CCDC181: variants seen among roughly 807,000 people sequenced by gnomAD.
CCDC181 encodes the protein coiled-coil domain containing 181.
In CCDC181, 35 loss-of-function variants were observed where a neutral mutation model predicts 58.7. The observed-to-expected ratio is 0.60, with a 90% CI of 0.46 to 0.79. The LOEUF (loss-of-function observed/expected upper bound fraction) is 0.79, where lower values mean the gene tolerates loss of function less well. CCDC181 is among the 30% of genes least tolerant of loss of function. The pLI is 0.00. For synonymous variants in CCDC181, 183 were observed against 197.5 expected, an observed-to-expected ratio of 0.93 and a Z score of 0.62; for missense variants, 517 against 583.9, an observed-to-expected ratio of 0.89 and a Z score of 1.18.
At position 169,394,916 on chromosome 1, in the gene CCDC181, A is replaced by C; in HGVS notation, c.*131T>G. 4.7e-6 allele frequency: 4 copies of C among 846,726 alleles called. No homozygotes were observed. The highest frequency in any genetic ancestry group is 6.8e-6 in the Non-Finnish European group (4 of 590,642). The allele number at this position is 846,726 out of a possible 1,614,324, so 52.5% of individuals were successfully genotyped here. ...ATTTATTTTGTTCTAGTATTAAAAA[A>C]ACAAATTCACTGTCAATAAAAGATA... On this transcript the variant is annotated 3_prime_UTR_variant, in exon 6 of 6. Coordinates refer to ENST00000367806, the MANE Select transcript of CCDC181 (RefSeq NM_001300969.2).
In CCDC181 at chr1:169,422,261, G is replaced by T; in HGVS notation, c.170C>A (p.Thr57Lys). The T allele has an allele frequency of 6.2e-7, 1 of 1,600,456 alleles. No individual in the cohort carries two copies. Among genetic ancestry groups the T allele is most frequent in the South Asian group, 1.1e-5 (1 of 90,024 alleles). ...NINQDLKENE[T>K]VMEHTKRHSD... is the part of the protein sequence containing the mutation. The stretch of plus-strand genomic sequence containing the variant: ...ATGCCGTTTGGTGTGCTCCATTACT[G>T]TCTCATTCTCTTTTAAGTCTTGGTT... Residue 57 changes from threonine (T) to lysine (K), a missense_variant, in exon 3 of 6, where the codon ACA becomes AAA. By Grantham distance (78) the Thr-to-Lys change is moderately conservative. Coordinates refer to ENST00000367806, the MANE Select transcript of CCDC181 (RefSeq NM_001300969.2).
chr1:169,456,721 GC>G (rs1657684392), intron 2 of CCDC181, among the ~76,000 whole-genome samples: 1 of 152,140 alleles, frequency 6.6e-6, no homozygotes, highest in South Asian at 2.1e-4. Flanking sequence ...TGGAAAGAAG[GC>G]TTTCACCACA....
chr1:169,440,398 G>GA (rs1208363339), intron 2 of CCDC181, among the ~76,000 whole-genome samples: 1 of 152,230 alleles, frequency 6.6e-6, no homozygotes, highest in Non-Finnish European at 1.5e-5. Context: ...CAAGACAGGA[G>GA]AATTCCAATA....
chr1:169,410,030 T>C (rs1174396562), intron 4 of CCDC181, among the ~76,000 whole-genome samples: 2 of 151,988 alleles, frequency 1.3e-5, no homozygotes, highest in Non-Finnish European at 2.9e-5. Flanking sequence ...AATTCACACA[T>C]AACAATATTG....
chr1:169,421,913 T>G lies in CCDC181; in HGVS notation c.518A>C (p.Lys173Thr), dbSNP rs150449968. The G allele has an allele frequency of 3.1e-6, 5 of 1,613,706 alleles. No individual in the cohort carries two copies. The African/African-American group carries it at 6.7e-5, about 22-fold the overall frequency. Reference sequence around the variant, plus strand: ...ATTCCTTTCGTTTTCAAAATAATTTTTAAAAGTAGTAGTGTCTTCTAGTGG... The same window carrying G: ...ATTCCTTTCGTTTTCAAAATAATTTGTAAAAGTAGTAGTGTCTTCTAGTGG... ...VPPLEDTTTF[K>T]NYFENERNMF... The change falls in exon 3 of 6, where the codon AAA becomes ACA. Residue 173 changes from lysine (K) to threonine (T), a missense_variant. Transcript: ENST00000367806.
At chr1:169,436,708 T>C (rs1399210133) in intron 2 of CCDC181, among the ~76,000 whole-genome samples, 1 of 152,204 alleles carries the variant, frequency 6.6e-6, no homozygotes, top group Non-Finnish European at 1.5e-5. Context: ...CTAAAAAAGG[T>C]TGATTTCACT....
chr1:169,422,411 AT>A (rs1462582743), intron 2 of CCDC181, 98 bp from the exon 3 acceptor site: 1 of 862,486 alleles, frequency 1.2e-6, no homozygotes, highest in Non-Finnish European at 1.7e-6. Flanking sequence ...TATTTTATGA[AT>A]GGGAAAATTT....
At chr1:169,395,908 T>C (rs1435336152) in intron 5 of CCDC181, 1 of 148,454 alleles carries the variant, frequency 6.7e-6, no homozygotes, top group Non-Finnish European at 1.5e-5. Context: ...AACAACTAAA[T>C]AACTGTATTA....
chr1:169,434,927 CAGAG>C (rs1172179673), intron 2 of CCDC181, among the ~76,000 whole-genome samples: 1 of 151,980 alleles, frequency 6.6e-6, no homozygotes, highest in Non-Finnish European at 1.5e-5. Flanking sequence ...TCGTGTTTTC[CAGAG>C]CCTGTTAAGG....
chr1:169,436,741 G>A (rs1050967785), intron 2 of CCDC181, among the ~76,000 whole-genome samples: 1 of 152,168 alleles, frequency 6.6e-6, no homozygotes, highest in East Asian at 1.9e-4. Flanking sequence ...GTAAGGCAGA[G>A]CACTATTAGT....
intron 3 of CCDC181, among the ~76,000 whole-genome samples, chr1:169,419,962 G>A (rs184441304): frequency 1.7e-3 from 258 of 152,298 alleles, no homozygotes; most frequent in Admixed American, 4.1e-3. Flanking sequence ...AGTACTTGAA[G>A]ACCATGCCTT....
rs765535455 is a variant in CCDC181 at position 169,421,889 on chromosome 1, T to C, written c.542A>G (p.Asn181Ser). 6 of 1,613,854 alleles carry C rather than the reference T, an allele frequency of 3.7e-6. No homozygotes were observed. The South Asian group carries it at 5.5e-5, about 15-fold the overall frequency. The change falls in exon 3 of 6, where the codon AAT becomes AGT. Residue 181 changes from asparagine (N) to serine (S), a missense_variant. Transcript: ENST00000367806. ...TAATTGTGACAGTTTCCCAAACATA[T>C]TCCTTTCGTTTTCAAAATAATTTTT... is the stretch of plus-strand genomic sequence containing the variant. ...TFKNYFENER[N>S]MFGKLSQLCI...
chr1:169,446,545 G>A (rs1657382873), intron 2 of CCDC181, among the ~76,000 whole-genome samples: 2 of 152,124 alleles, frequency 1.3e-5, no homozygotes, highest in Admixed American at 1.3e-4. Context: ...CTAATAAACA[G>A]TCATCCCTCC....
chr1:169,397,917 T>C (rs1655136455), intron 4 of CCDC181, among the ~76,000 whole-genome samples: 1 of 152,216 alleles, frequency 6.6e-6, no homozygotes, highest in Admixed American at 6.5e-5. Flanking sequence ...CATTTAATAC[T>C]TCCCCCAAAT....
intron 4 of CCDC181, among the ~76,000 whole-genome samples, chr1:169,410,080 C>G (rs1655879494): frequency 2.0e-5 from 3 of 151,946 alleles, no homozygotes; most frequent in South Asian, 4.1e-4. Flanking sequence ...AATTAAGAGA[C>G]ACAGACTGGC....
intron 2 of CCDC181, among the ~76,000 whole-genome samples, chr1:169,441,799 A>C (rs747680901): frequency 9.9e-5 from 15 of 151,966 alleles, no homozygotes; most frequent in South Asian, 2.1e-4. Flanking sequence ...TTTATGACTC[A>C]TCAAGGACTA....
chr1:169,421,996 A>G lies in CCDC181; in HGVS notation c.435T>C (p.Asn145=), dbSNP rs1656492838. ...NKLLQNQEPV[N]DKRERKLKFK... is the part of the protein sequence containing the mutation. ...ACTTAAGTTTTCGCTCCCTTTTATC[A>G]TTCACCGGTTCTTGATTCTGTAGAA... Residue 145 remains asparagine (N), a synonymous_variant, in exon 3 of 6, where the codon AAT becomes AAC. Transcript: ENST00000367806. The G allele has an allele frequency of 2.5e-6, 4 of 1,614,050 alleles. No individual in the cohort carries two copies.
intron 4 of CCDC181, among the ~76,000 whole-genome samples, chr1:169,407,432 A>G (rs904483849): frequency 6.6e-6 from 1 of 152,190 alleles, no homozygotes; most frequent in South Asian, 2.1e-4. Context: ...CATTCAGTAT[A>G]TATGTATATA....
At chr1:169,434,700 C>G (rs991949781) in intron 2 of CCDC181, among the ~76,000 whole-genome samples, 1 of 152,002 alleles carries the variant, frequency 6.6e-6, no homozygotes, top group Non-Finnish European at 1.5e-5. Flanking sequence ...GAAAAACCCA[C>G]AGCAAACATC....
Sources: allele counts gnomAD v4.1 joint callset (sites outside exome capture counted in the v4.1 genomes callset), GRCh38; gene constraint gnomAD v4.1.1; transcripts MANE v1.5; gene names NCBI Gene and HGNC (gene_info 2026-07-23, HGNC 2026-07-21).